The following NMNAT2 variants were observed in gnomAD, a reference collection of about 807,000 sequenced individuals.
NMNAT2 encodes the protein nicotinamide nucleotide adenylyltransferase 2.
Under a neutral mutation model 41.6 loss-of-function variants are expected in NMNAT2, and 11 were observed. The ratio of observed to expected loss-of-function variants is 0.26; its 90% CI spans 0.17 to 0.44. The LOEUF is 0.44. Among genes scored for constraint, NMNAT2 ranks in the 20% least tolerant of loss-of-function variants. The probability of loss-of-function intolerance (pLI) is 1.00; values close to 1 mark genes in which losing one functional copy is unlikely to be tolerated. For synonymous variants in NMNAT2, 148 were observed against 151.2 expected, an observed-to-expected ratio of 0.98 and a Z score of 0.16; for missense variants, 288 against 407.7, an observed-to-expected ratio of 0.71 and a Z score of 2.53.
At chr1:183,391,293 T>A (rs886974090) in intron 1 of NMNAT2, among the ~76,000 whole-genome samples, 1 of 152,186 alleles carries the variant, frequency 6.6e-6, no homozygotes, top group African/African-American at 2.4e-5. Context: ...CCACCACTTC[T>A]ATCCACCTAC....
chr1:183,341,748 C>CAAAAACAAAAAA (rs369432128), intron 1 of NMNAT2, among the ~76,000 whole-genome samples: 3 of 79,840 alleles, frequency 3.8e-5, no homozygotes, highest in Admixed American at 1.5e-4. Flanking sequence ...AAAAAAAAAA[C>CAAAAACAAAAAA]CTGTTTCCTT....
At chr1:183,299,027 G>C (rs1299402690) in intron 1 of NMNAT2, among the ~76,000 whole-genome samples, 1 of 152,168 alleles carries the variant, frequency 6.6e-6, no homozygotes, top group Non-Finnish European at 1.5e-5. Flanking sequence ...TAGGTAAATG[G>C]TTAACTAAAC....
intron 8 of NMNAT2, among the ~76,000 whole-genome samples, chr1:183,277,083 T>G (rs1404549085): frequency 1.3e-5 from 2 of 152,224 alleles, no homozygotes; most frequent in African/African-American, 4.8e-5. Flanking sequence ...TGTCAGGTGC[T>G]GGGGCTAGGC....
intron 1 of NMNAT2, among the ~76,000 whole-genome samples, chr1:183,357,915 A>G (rs1663232211): frequency 6.6e-6 from 1 of 152,222 alleles, no homozygotes; most frequent in Non-Finnish European, 1.5e-5. Context: ...TCCCAAAGGA[A>G]TATATAAATT....
chr1:183,316,787 T>A (rs369218697), intron 1 of NMNAT2, among the ~76,000 whole-genome samples: 2 of 152,348 alleles, frequency 1.3e-5, no homozygotes, highest in African/African-American at 4.8e-5. Context: ...GAGCTTGCCA[T>A]AGGGAATATT....
At chr1:183,304,748 C>A in intron 1 of NMNAT2, 1 of 1,613,918 alleles carries the variant, frequency 6.2e-7, no homozygotes, top group Non-Finnish European at 8.5e-7. Context: ...ATCTATTTGT[C>A]TGGTTTTTGC....
intron 8 of NMNAT2, among the ~76,000 whole-genome samples, chr1:183,268,651 C>T (rs1446723692): frequency 6.6e-6 from 1 of 152,200 alleles, no homozygotes; most frequent in African/African-American, 2.4e-5. Flanking sequence ...GAACTGGGCA[C>T]TGTTCTGGTA....
intron 10 of NMNAT2, among the ~76,000 whole-genome samples, chr1:183,259,204 C>G (rs1254413001): frequency 1.3e-5 from 2 of 152,168 alleles, no homozygotes; most frequent in Admixed American, 6.5e-5. Flanking sequence ...CTGGGCAGGA[C>G]ACAGGAATTT....
intron 1 of NMNAT2, among the ~76,000 whole-genome samples, chr1:183,320,867 A>G (rs1175845761): frequency 6.6e-6 from 1 of 152,228 alleles, no homozygotes; most frequent in African/African-American, 2.4e-5. Flanking sequence ...CCAAAAGGGA[A>G]GTAGGGGAGA....
chr1:183,371,063 A>T lies in NMNAT2; in HGVS notation c.85+47120T>A, dbSNP rs532008823. 2.0e-5 allele frequency among the ~76,000 whole-genome samples: 3 copies of T among 151,988 alleles called. No individual in the cohort carries two copies. The South Asian group carries it at 6.2e-4, about 32-fold the overall frequency. On this transcript the variant is annotated intron_variant, in intron 1 of 10. Transcript: ENST00000287713. ...AATATTTCAGAATGGATTCCCCCAC[A>T]CCTCCACAGGAGAAAAAAAAGGCCA...
intron 3 of NMNAT2, among the ~76,000 whole-genome samples, chr1:183,291,446 A>G (rs1415286390): frequency 6.6e-6 from 1 of 152,100 alleles, no homozygotes; most frequent in African/African-American, 2.4e-5. Context: ...ACCTGGCTAA[A>G]TGGGATCCCA....
At chr1:183,367,667 A>G (rs920488417) in intron 1 of NMNAT2, among the ~76,000 whole-genome samples, 2 of 152,250 alleles carry the variant, frequency 1.3e-5, no homozygotes, top group Non-Finnish European at 2.9e-5. Flanking sequence ...TGTTGACCAC[A>G]TAACTGTTTC....
Position 183,415,195 on chromosome 1 carries a change from T to A in NMNAT2, c.85+2988A>T, listed in dbSNP as rs141841966. On this transcript the variant is annotated intron_variant, in intron 1 of 10. Coordinates refer to ENST00000287713, the MANE Select transcript of NMNAT2 (RefSeq NM_015039.4). ...TGGGGTTTCACCATGTTGCCAAGTCTGGTCTCAAACTCCTGAGCTCATGTG... is the reference window on the plus strand; with the variant it reads ...TGGGGTTTCACCATGTTGCCAAGTCAGGTCTCAAACTCCTGAGCTCATGTG... Among the ~76,000 whole-genome samples, 178 of 152,300 alleles carry A rather than the reference T, an allele frequency of 1.2e-3. 1 individual carries two copies. The highest frequency in any genetic ancestry group is 3.8e-3 in the African/African-American group (156 of 41,548).
chr1:183,257,603 T>A (rs950147179), intron 10 of NMNAT2, among the ~76,000 whole-genome samples: 8 of 152,228 alleles, frequency 5.3e-5, no homozygotes, highest in Non-Finnish European at 1.2e-4. Context: ...CTTGCCAGAT[T>A]ATCTTTTTAA....
chr1:183,330,198 T>A (rs942623885), intron 1 of NMNAT2, among the ~76,000 whole-genome samples: 16 of 152,142 alleles, frequency 1.1e-4, no homozygotes, highest in African/African-American at 3.9e-4. Context: ...AAAAACAGTA[T>A]CCATCACATA....
chr1:183,255,870 G>A (rs1660504125), intron 10 of NMNAT2, among the ~76,000 whole-genome samples: 2 of 151,682 alleles, frequency 1.3e-5, no homozygotes, highest in Admixed American at 1.3e-4. Context: ...CACCATATTG[G>A]CCAGACTGGT....
intron 8 of NMNAT2, among the ~76,000 whole-genome samples, chr1:183,277,136 C>T (rs1370256345): frequency 6.6e-6 from 1 of 152,046 alleles, no homozygotes; most frequent in African/African-American, 2.4e-5. Context: ...ACCCATGGGA[C>T]GTAGGTACTA....
intron 1 of NMNAT2, among the ~76,000 whole-genome samples, chr1:183,304,403 C>A (rs1300738673): frequency 6.6e-6 from 1 of 152,208 alleles, no homozygotes; most frequent in Non-Finnish European, 1.5e-5. Context: ...ATGATGGCAG[C>A]TGGATTTCCC....
Position 183,363,579 on chromosome 1 carries a change from T to TACACACACACACAC in NMNAT2, c.85+54590_85+54603dup, listed in dbSNP as rs146304060. On this transcript the variant is annotated intron_variant, in intron 1 of 10. Coordinates refer to ENST00000287713, the MANE Select transcript of NMNAT2 (RefSeq NM_015039.4). ...AGTCCCCTAGAGACACACACACACA[T>TACACACACACACAC]ACACACACACACACACACACACACA... 3.6e-4 allele frequency among the ~76,000 whole-genome samples: 53 copies of TACACACACACACAC among 147,586 alleles called. No individual in the cohort carries two copies. In the East Asian group the frequency reaches 9.8e-3, roughly 27 times the overall value.
Sources: allele counts gnomAD v4.1 joint callset (sites outside exome capture counted in the v4.1 genomes callset), GRCh38; gene constraint gnomAD v4.1.1; transcripts MANE v1.5; gene names NCBI Gene and HGNC (gene_info 2026-07-23, HGNC 2026-07-21).